EPB41: variants seen among roughly 807,000 people sequenced by gnomAD.
EPB41 encodes the protein erythrocyte membrane protein band 4.1, also known as protein 4.1.
A neutral mutation model predicts 108.0 loss-of-function variants in EPB41; 65 were observed. That is an observed-to-expected ratio of 0.60 (90% CI 0.49 to 0.74). The LOEUF (loss-of-function observed/expected upper bound fraction) is 0.74, where lower values mean the gene tolerates loss of function less well. EPB41 is among the 30% of genes least tolerant of loss of function. The pLI, the probability that EPB41 is intolerant of heterozygous loss-of-function variation, is 0.00. For synonymous variants in EPB41, 336 were observed against 358.9 expected (o/e 0.94, Z 0.72); for missense variants, 875 against 1,037.0 (o/e 0.84, Z 2.15).
intron 16 of EPB41, chr1:29,070,016 A>G (rs1650551603): frequency 5.9e-6 from 1 of 169,168 alleles, no homozygotes; most frequent in South Asian, 2.0e-4. Flanking sequence ...CATTATTGGC[A>G]TTGCCCAATT....
intron 16 of EPB41, among the ~76,000 whole-genome samples, chr1:29,086,208 A>G (rs112890864): frequency 5.3e-5 from 8 of 152,016 alleles, no homozygotes; most frequent in Non-Finnish European, 1.2e-4. Context: ...AAAACCACAA[A>G]CAAAAAGATC....
intron 8 of EPB41, among the ~76,000 whole-genome samples, chr1:29,031,529 C>CATCA (rs2096789062): frequency 1.3e-5 from 2 of 152,182 alleles, no homozygotes; most frequent in African/African-American, 4.8e-5. Flanking sequence ...CAACATTTAA[C>CATCA]ATCACCTAGG....
intron 1 of EPB41, among the ~76,000 whole-genome samples, chr1:28,905,452 A>C (rs1182924132): frequency 6.6e-6 from 1 of 150,936 alleles, no homozygotes; most frequent in Non-Finnish European, 1.5e-5. Context: ...AGCTGAGATC[A>C]CGCCACTGCA....
At chr1:29,107,016 T>A (rs1270702557) in intron 17 of EPB41, among the ~76,000 whole-genome samples, 1 of 151,752 alleles carries the variant, frequency 6.6e-6, no homozygotes, top group Non-Finnish European at 1.5e-5. Context: ...AAACCCTGTT[T>A]CTACTAAAAA....
intron 16 of EPB41, among the ~76,000 whole-genome samples, chr1:29,095,824 G>A (rs1203625606): frequency 6.6e-6 from 1 of 151,990 alleles, no homozygotes; most frequent in African/African-American, 2.4e-5. Context: ...ATTGTGTCCT[G>A]TGCATAGTAA....
chr1:29,090,330 A>T (rs1660730168), intron 16 of EPB41, among the ~76,000 whole-genome samples: 1 of 152,198 alleles, frequency 6.6e-6, no homozygotes, highest in Non-Finnish European at 1.5e-5. Context: ...ATGGAATAAA[A>T]ATGCCTTGAT....
chr1:28,945,617 A>G (rs1175065339), intron 1 of EPB41, among the ~76,000 whole-genome samples: 2 of 152,236 alleles, frequency 1.3e-5, no homozygotes, highest in Non-Finnish European at 2.9e-5. Flanking sequence ...TATATTAAGT[A>G]TAAGTGTTTA....
chr1:28,924,865 C>T (rs911718454), intron 1 of EPB41, among the ~76,000 whole-genome samples: 4 of 152,016 alleles, frequency 2.6e-5, no homozygotes, highest in Admixed American at 6.6e-5. Context: ...GGTGTGGTCA[C>T]AGCTCACTGC....
intron 1 of EPB41, among the ~76,000 whole-genome samples, chr1:28,928,120 C>CT (rs1314393070): frequency 6.6e-6 from 1 of 151,956 alleles, no homozygotes; most frequent in African/African-American, 2.4e-5. Context: ...TACAGAGTTA[C>CT]TATTATGCTT....
chr1:29,032,529 T>G (rs1359608506), intron 8 of EPB41, among the ~76,000 whole-genome samples: 1 of 152,214 alleles, frequency 6.6e-6, no homozygotes, highest in Non-Finnish European at 1.5e-5. Context: ...TTTAACTTTG[T>G]GTTTTGATTA....
intron 8 of EPB41, among the ~76,000 whole-genome samples, chr1:29,031,367 C>T (rs1182894044): frequency 1.3e-5 from 2 of 152,174 alleles, no homozygotes; most frequent in East Asian, 3.8e-4. Flanking sequence ...ATATGTAGAT[C>T]CCTGAGCTTC....
chr1:28,923,810 G>A (rs996109353), intron 1 of EPB41, among the ~76,000 whole-genome samples: 2 of 152,052 alleles, frequency 1.3e-5, no homozygotes, highest in Admixed American at 6.5e-5. Context: ...ATAACTAAAG[G>A]GCAAGTTTTT....
At chr1:28,969,571 C>G (rs903904834) in intron 1 of EPB41, among the ~76,000 whole-genome samples, 6 of 151,486 alleles carry the variant, frequency 4.0e-5, no homozygotes, top group Non-Finnish European at 5.9e-5. Flanking sequence ...CGTGACCATC[C>G]TGGCTAACAC....
Position 28,935,469 on chromosome 1 carries a change from C to CACACACA in EPB41, c.-8+20701_-8+20702insACACACA, listed in dbSNP as rs1234434094. ...CACACACACACACACACACACACACCCCCCCCCCCCCAAGATCTACGCACT... is the reference window on the plus strand; with the variant it reads ...CACACACACACACACACACACACACCACACACACCCCCCCCCCCAAGATCTACGCACT... On this transcript the variant is annotated intron_variant, in intron 1 of 20. Coordinates refer to ENST00000343067, the MANE Select transcript of EPB41 (RefSeq NM_001376013.1). Among the ~76,000 whole-genome samples the CACACACA allele has an allele frequency of 7.7e-3, 324 of 42,274 alleles. 34 individuals carry two copies. The highest frequency in any genetic ancestry group is 0.035 in the South Asian group (30 of 850). The allele number at this position is 42,274 out of a possible 152,430, so 27.7% of individuals were successfully genotyped here.
intron 16 of EPB41, among the ~76,000 whole-genome samples, chr1:29,081,554 G>C (rs372909365): frequency 7.9e-5 from 12 of 152,116 alleles, no homozygotes; most frequent in African/African-American, 2.4e-4. Flanking sequence ...CTAATGCTTC[G>C]GCTGGGCACT....
chr1:28,957,039 A>C (rs2094979059), intron 1 of EPB41, among the ~76,000 whole-genome samples: 1 of 152,260 alleles, frequency 6.6e-6, no homozygotes, highest in Non-Finnish European at 1.5e-5. Context: ...GATTGCATGT[A>C]ATGTGAAGAG....
At chr1:28,906,181 G>T (rs1052541215) in intron 1 of EPB41, among the ~76,000 whole-genome samples, 2 of 152,154 alleles carry the variant, frequency 1.3e-5, no homozygotes, top group African/African-American at 4.8e-5. Context: ...GGAAACTGAG[G>T]TTAGTCAAAT....
intron 8 of EPB41, among the ~76,000 whole-genome samples, chr1:29,030,957 G>C (rs777058370): frequency 6.6e-6 from 1 of 151,852 alleles, no homozygotes; most frequent in African/African-American, 2.4e-5. Context: ...TGAGTAGCTG[G>C]GACTACAGGC....
intron 1 of EPB41, among the ~76,000 whole-genome samples, chr1:28,983,511 T>C (rs535694733): frequency 2.0e-4 from 31 of 152,246 alleles, no homozygotes; most frequent in Non-Finnish European, 5.9e-5. Flanking sequence ...AGACCCCTTA[T>C]AGTGAAGCAG....
Sources: gnomAD v4.1 joint callset for allele counts (sites outside exome capture counted in the v4.1 genomes callset) on GRCh38, gnomAD v4.1.1 for gene constraint, MANE v1.5 for transcripts, NCBI Gene and HGNC (gene_info 2026-07-23, HGNC 2026-07-21) for gene names.